Variants in ADAMTS17 observed in about 807,000 individuals in gnomAD.
ADAMTS17 encodes ADAM metallopeptidase with thrombospondin type 1 motif 17, also known as A disintegrin and metalloproteinase with thrombospondin motifs 17.
A neutral mutation model predicts 141.5 loss-of-function variants in ADAMTS17; 113 were observed. The ratio of observed to expected loss-of-function variants is 0.80; its 90% confidence interval spans 0.69 to 0.93. The LOEUF (loss-of-function observed/expected upper bound fraction) is 0.93. Among genes scored for constraint, ADAMTS17 ranks in the 40% least tolerant of loss-of-function variants. The pLI is 0.00. For missense variants in ADAMTS17, 1,659 were observed against 1,517.9 expected (o/e 1.09, Z -1.54); for synonymous variants, 768 against 630.6 (o/e 1.22, Z -3.27).
chr15:100,031,781 C>T (rs907353250), intron 18 of ADAMTS17, among the ~76,000 whole-genome samples: 12 of 152,220 alleles, frequency 7.9e-5, no homozygotes, highest in African/African-American at 9.6e-5. Flanking sequence ...AAGCTCTAGG[C>T]GCTGCTGGGC....
intron 3 of ADAMTS17, among the ~76,000 whole-genome samples, chr15:100,316,839 T>C (rs1273455120): frequency 6.6e-6 from 1 of 152,248 alleles, no homozygotes; most frequent in Non-Finnish European, 1.5e-5. Flanking sequence ...CAGGCTGACT[T>C]GTCCCAGCCT....
intron 8 of ADAMTS17, among the ~76,000 whole-genome samples, chr15:100,185,276 CA>C (rs2040671221): frequency 6.6e-6 from 1 of 152,190 alleles, no homozygotes; most frequent in Non-Finnish European, 1.5e-5. Context: ...GATGAATTAA[CA>C]GACATAAAGC....
At chr15:100,292,385 C>T (rs1014921047) in intron 3 of ADAMTS17, among the ~76,000 whole-genome samples, 3 of 150,624 alleles carry the variant, frequency 2.0e-5, no homozygotes, top group African/African-American at 4.9e-5. Context: ...ATGCTCACCC[C>T]GTGTGAAATT....
intron 3 of ADAMTS17, among the ~76,000 whole-genome samples, chr15:100,292,234 G>A (rs564406679): frequency 6.7e-6 from 1 of 150,068 alleles, no homozygotes; most frequent in East Asian, 2.0e-4. Flanking sequence ...AATCACGAGA[G>A]ACGCTCACCC....
chr15:99,976,109 T>A lies in ADAMTS17; in HGVS notation c.3063A>T (p.Arg1021Ser), dbSNP rs1428884152. The change falls in exon 21 of 22, where the codon AGA (arginine) becomes AGT (serine). Residue 1021 changes from arginine to serine, a missense_variant. By Grantham distance (110) the Arg-to-Ser change is moderately radical. Transcript: ENST00000268070. ...CGTTGCAGACCTCCTGGTAGCACTG[T>A]CTGTAGGGGGCAGGCTTCGAGAGGG... ...CPALSKPAPY[R>S]QCYQEVCNDR... The A allele has an allele frequency of 6.4e-7, 1 of 1,551,586 alleles. No homozygotes were observed. Among genetic ancestry groups the A allele is most frequent in the Admixed American group, 2.0e-5 (1 of 51,010 alleles).
At chr15:100,160,624 C>T (rs1172452136) in intron 8 of ADAMTS17, among the ~76,000 whole-genome samples, 1 of 152,232 alleles carries the variant, frequency 6.6e-6, no homozygotes, top group Admixed American at 6.5e-5. Context: ...GTTGGCAACT[C>T]CATATTCCTC....
At chr15:100,147,167 C>G (rs1377856506) in intron 10 of ADAMTS17, among the ~76,000 whole-genome samples, 1 of 152,044 alleles carries the variant, frequency 6.6e-6, no homozygotes, top group Non-Finnish European at 1.5e-5. Context: ...CATCATGGAA[C>G]CTACCGAGAT....
intron 4 of ADAMTS17, among the ~76,000 whole-genome samples, chr15:100,265,466 A>C (rs544750359): frequency 3.9e-5 from 6 of 152,362 alleles, no homozygotes; most frequent in Admixed American, 3.9e-4. Flanking sequence ...GCAAGTGTTC[A>C]GTCCTGGCTG....
intron 15 of ADAMTS17, among the ~76,000 whole-genome samples, chr15:100,068,584 T>A (rs763504549): frequency 3.9e-5 from 6 of 152,214 alleles, no homozygotes; most frequent in Non-Finnish European, 7.3e-5. Flanking sequence ...CAGCAACATC[T>A]GCTGTTCACC....
At chr15:100,113,877 C>A (rs772630692) in intron 13 of ADAMTS17, among the ~76,000 whole-genome samples, 2 of 152,230 alleles carry the variant, frequency 1.3e-5, no homozygotes, top group East Asian at 1.9e-4. Flanking sequence ...CACGTCCAGA[C>A]GCAGCCTTTG....
chr15:100,327,288 G>A (rs544406258), intron 3 of ADAMTS17, among the ~76,000 whole-genome samples: 1 of 152,316 alleles, frequency 6.6e-6, no homozygotes, highest in South Asian at 2.1e-4. Context: ...AATACTCATT[G>A]ACATTACCTT....
chr15:100,048,745 G>T, intron 18 of ADAMTS17, 112 bp downstream of exon 18: 1 of 1,498,872 alleles, frequency 6.7e-7, no homozygotes, highest in Non-Finnish European at 9.2e-7. Context: ...CAACAATAAC[G>T]GAACACAGCA....
intron 13 of ADAMTS17, among the ~76,000 whole-genome samples, chr15:100,114,155 CTTCT>C (rs1372664860): frequency 1.8e-4 from 21 of 113,966 alleles, no homozygotes; most frequent in East Asian, 1.4e-3. Context: ...AGAATTCTTT[CTTCT>C]TTTTTTTTTT....
chr15:100,115,906 T>C (rs2037086667), intron 13 of ADAMTS17, among the ~76,000 whole-genome samples: 1 of 152,116 alleles, frequency 6.6e-6, no homozygotes, highest in African/African-American at 2.4e-5. Flanking sequence ...AGTCAACTGC[T>C]CTGGAAGTGA....
At chr15:100,115,497 C>T (rs574847385) in intron 13 of ADAMTS17, among the ~76,000 whole-genome samples, 84 of 152,328 alleles carry the variant, frequency 5.5e-4, no homozygotes, top group African/African-American at 1.9e-3. Flanking sequence ...AATGAGTCCT[C>T]ATCTGAGTGG....
At chr15:100,335,028 G>A (rs1023515949) in intron 2 of ADAMTS17, among the ~76,000 whole-genome samples, 4 of 151,892 alleles carry the variant, frequency 2.6e-5, no homozygotes, top group South Asian at 2.1e-4. Flanking sequence ...ATCCTCCATC[G>A]CCTCTCAGCC....
intron 4 of ADAMTS17, among the ~76,000 whole-genome samples, chr15:100,265,374 G>T (rs1401704752): frequency 6.6e-6 from 1 of 152,226 alleles, no homozygotes; most frequent in Non-Finnish European, 1.5e-5. Flanking sequence ...ATATGTTTAG[G>T]GAGACACCTG....
chr15:100,209,903 G>A (rs975500502), intron 7 of ADAMTS17, among the ~76,000 whole-genome samples: 1 of 152,198 alleles, frequency 6.6e-6, no homozygotes, highest in African/African-American at 2.4e-5. Context: ...GCATGTCAAT[G>A]TCTGTCTTTA....
At chr15:100,118,521 G>A (rs2037281852) in intron 12 of ADAMTS17, among the ~76,000 whole-genome samples, 1 of 152,196 alleles carries the variant, frequency 6.6e-6, no homozygotes, top group Non-Finnish European at 1.5e-5. Flanking sequence ...CCCTCTAGAA[G>A]GTTTATGGAA....
Sources: allele counts gnomAD v4.1 joint callset (sites outside exome capture counted in the v4.1 genomes callset), GRCh38; gene constraint gnomAD v4.1.1; transcripts MANE v1.5; gene names NCBI Gene and HGNC (gene_info 2026-07-23, HGNC 2026-07-21).